FUNDC2: variants seen among roughly 807,000 people sequenced by gnomAD.
The protein encoded by FUNDC2 is FUN14 domain containing 2.
A neutral mutation model predicts 15.6 loss-of-function variants in FUNDC2; 4 were observed. The ratio of observed to expected loss-of-function variants is 0.26; its 90% CI spans 0.13 to 0.59. The LOEUF is 0.59. Ranked by LOEUF, FUNDC2 falls within the 20% of genes least tolerant of loss-of-function variation. FUNDC2 has a pLI of 0.90. For missense variants in FUNDC2, 98 were observed against 149.7 expected (o/e 0.65, Z 1.80); for synonymous variants, 44 against 56.9 (o/e 0.77, Z 1.02).
chrX:155,027,570 A>ATGC (rs1372791414), intron 1 of FUNDC2, among the ~76,000 whole-genome samples: 1 of 112,011 alleles, frequency 8.9e-6, no homozygotes, highest in Non-Finnish European at 1.9e-5. Flanking sequence ...TCTTTAAGTT[A>ATGC]TGCGTCTTAC....
chrX:155,049,804 TTTTA>T (rs2073874632), intron 3 of FUNDC2: 3 of 112,429 alleles, frequency 2.7e-5, no homozygotes, highest in Non-Finnish European at 5.6e-5. Flanking sequence ...ATCCTGTATG[TTTTA>T]TTTGATTTGT....
intron 2 of FUNDC2, among the ~76,000 whole-genome samples, chrX:155,038,679 T>C (rs1271518349): frequency 2.7e-5 from 3 of 112,628 alleles, no homozygotes; most frequent in Admixed American, 9.4e-5. Context: ...GTCACAAATA[T>C]CAAGATTTCC....
At chrX:155,039,986 ATCTT>A (rs1306968852) in intron 2 of FUNDC2, among the ~76,000 whole-genome samples, 2 of 111,850 alleles carry the variant, frequency 1.8e-5, no homozygotes, top group East Asian at 5.6e-4. Context: ...AACATGGAAT[ATCTT>A]TCTGTTTATT....
At chrX:155,042,872 C>A (rs966755180) in intron 2 of FUNDC2, among the ~76,000 whole-genome samples, 1 of 111,419 alleles carries the variant, frequency 9.0e-6, no homozygotes, top group Non-Finnish European at 1.9e-5. Context: ...GTTTATTAAT[C>A]TTCTACAGTG....
chrX:155,039,898 T>C (rs1204733973), intron 2 of FUNDC2, among the ~76,000 whole-genome samples: 2 of 112,051 alleles, frequency 1.8e-5, no homozygotes, highest in African/African-American at 3.2e-5. Flanking sequence ...ATTGGAATTT[T>C]GATGTGGATT....
intron 3 of FUNDC2, chrX:155,050,243 A>T (rs2073875754): frequency 8.9e-6 from 1 of 111,849 alleles, no homozygotes; most frequent in Non-Finnish European, 1.9e-5. Context: ...AAGTTGAGGA[A>T]GTTCCCCTCT....
chrX:155,029,001 C>T (rs905612007), intron 1 of FUNDC2, among the ~76,000 whole-genome samples: 4 of 111,857 alleles, frequency 3.6e-5, no homozygotes, highest in South Asian at 3.7e-4. Context: ...TTCCTAGTGA[C>T]TTTGACACTC....
chrX:155,028,087 T>TAGACTTTTATAAGAGCAGACTGCTCTTAC (rs2073801370), intron 1 of FUNDC2, among the ~76,000 whole-genome samples: 1 of 112,459 alleles, frequency 8.9e-6, no homozygotes, highest in Non-Finnish European at 1.9e-5. Flanking sequence ...ACTGCTCTTA[T>TAGACTTTTATAAGAGCAGACTGCTCTTAC]AGACTTTTAT....
chrX:155,030,071 A>G (rs1284676113), intron 1 of FUNDC2, among the ~76,000 whole-genome samples: 2 of 111,449 alleles, frequency 1.8e-5, no homozygotes, highest in Non-Finnish European at 3.8e-5. Flanking sequence ...ACTTTTTAAT[A>G]TTGGTCTTAT....
intron 2 of FUNDC2, among the ~76,000 whole-genome samples, chrX:155,034,661 G>A (rs1238397384): frequency 8.9e-6 from 1 of 111,942 alleles, no homozygotes. Flanking sequence ...CTACATGGTG[G>A]CACTTGATTT....
Position 155,054,438 on chromosome X carries a change from T to C in FUNDC2, c.493-157T>C, listed in dbSNP as rs191614113. 12 of 747,580 alleles carry C rather than the reference T, an allele frequency of 1.6e-5. No individual in the cohort carries two copies. The East Asian group carries it at 1.1e-3, about 66-fold the overall frequency. The allele number at this position is 747,580 out of a possible 1,213,427, so 61.6% of individuals were successfully genotyped here. On this transcript the variant is annotated intron_variant, in intron 4 of 4. Coordinates refer to ENST00000369498, the MANE Select transcript of FUNDC2 (RefSeq NM_023934.4). ...TCTATTTAATTATTATTAAATAGACTATTAGTGTAAGTCCATTGCCCTTTG... is the reference window on the plus strand; with the variant it reads ...TCTATTTAATTATTATTAAATAGACCATTAGTGTAAGTCCATTGCCCTTTG...
In FUNDC2 at chrX:155,055,808, T is replaced by C. The variant is rs1557290822; in HGVS notation, c.*1136T>C. 1 of 112,659 alleles carries C rather than the reference T, an allele frequency of 8.9e-6. No individual in the cohort carries two copies. Among genetic ancestry groups the C allele is most frequent in the East Asian group, 2.8e-4 (1 of 3,626 alleles). The allele number at this position is 112,659 out of a possible 1,213,427, so 9.3% of individuals were successfully genotyped here. A position where few individuals can be genotyped will look rare whatever the true frequency, so the allele number is the denominator to read the frequency against. ...TAATAGGTGCTGAGTATTTGAATAA[T>C]GACTTTATAGAAAGAAAACTCACTA... On this transcript the variant is annotated 3_prime_UTR_variant, in exon 5 of 5. Coordinates refer to ENST00000369498, the MANE Select transcript of FUNDC2 (RefSeq NM_023934.4).
intron 3 of FUNDC2, chrX:155,049,450 A>G (rs781989820): frequency 8.9e-6 from 1 of 112,941 alleles, no homozygotes; most frequent in Non-Finnish European, 1.9e-5. Context: ...CTGTGTGTCT[A>G]TCTCTTCTTC....
At chrX:155,043,387 CT>C (rs1387438765) in intron 2 of FUNDC2, among the ~76,000 whole-genome samples, 3 of 111,851 alleles carry the variant, frequency 2.7e-5, no homozygotes, top group African/African-American at 9.8e-5. Flanking sequence ...TTCTGGGTTT[CT>C]TTTAGTTTAT....
rs1327267038 is a variant in FUNDC2 at position 155,058,826 on chromosome X, T to G, written c.*4154T>G. 1 of 111,625 alleles carries G rather than the reference T, an allele frequency of 9.0e-6. No homozygotes were observed. The highest frequency in any genetic ancestry group is 1.9e-5 in the Non-Finnish European group (1 of 53,125). The allele number at this position is 111,625 out of a possible 1,213,427, so 9.2% of individuals were successfully genotyped here. On this transcript the variant is annotated 3_prime_UTR_variant, in exon 5 of 5. Coordinates refer to ENST00000369498, the MANE Select transcript of FUNDC2 (RefSeq NM_023934.4). ...AGGGGTCATGAATCTTAATACTTTT[T>G]TTTTTAAAAGAAAAGTGTCGCACTT...
Position 155,051,685 on chromosome X carries a change from G to A in FUNDC2, c.376G>A (p.Gly126Arg). ...GATACTGTAGCTTGCAAACCATACTGGGTACATCAAAGTTGACTGGCAACG... is the reference window on the plus strand; with the variant it reads ...GATACTGTAGCTTGCAAACCATACTAGGTACATCAAAGTTGACTGGCAACG... The part of the protein sequence containing the change: ...FFLLQLANHT[G>R]YIKVDWQRVE... The change falls in exon 4 of 5, where the codon GGG (glycine) becomes AGG (arginine). Residue 126 changes from glycine to arginine, a missense_variant. Coordinates refer to ENST00000369498, the MANE Select transcript of FUNDC2 (RefSeq NM_023934.4). 1 of 1,210,445 alleles carries A rather than the reference G, an allele frequency of 8.3e-7. No homozygotes were observed. The highest frequency in any genetic ancestry group is 1.1e-6 in the Non-Finnish European group (1 of 894,270).
rs2073900307 is a variant in FUNDC2 at position 155,056,727 on chromosome X, AAAG to A, written c.*2056_*2058del. ...CCCACAGCAATGGGATGGTAACAGC[AAAG>A]CTAACCAAAGTGCTCTGTGCCCCTT... On this transcript the variant is annotated 3_prime_UTR_variant, in exon 5 of 5. Coordinates refer to ENST00000369498, the MANE Select transcript of FUNDC2 (RefSeq NM_023934.4). The A allele has an allele frequency of 9.0e-6, 1 of 110,880 alleles. No homozygotes were observed. Among genetic ancestry groups the A allele is most frequent in the African/African-American group, 3.3e-5 (1 of 30,516 alleles). The allele number at this position is 110,880 out of a possible 1,213,427, so 9.1% of individuals were successfully genotyped here. A position where few individuals can be genotyped will look rare whatever the true frequency, so the allele number is the denominator to read the frequency against.
intron 2 of FUNDC2, among the ~76,000 whole-genome samples, chrX:155,037,951 G>A (rs1309341304): frequency 1.8e-5 from 2 of 110,502 alleles, no homozygotes; most frequent in East Asian, 5.7e-4. Context: ...TGTAGGCTGG[G>A]TGCAGTGGCT....
chrX:155,042,406 C>T (rs782361133), intron 2 of FUNDC2, among the ~76,000 whole-genome samples: 6 of 108,825 alleles, frequency 5.5e-5, no homozygotes, highest in South Asian at 8.0e-4. Context: ...AGGCTGGTCT[C>T]GAACTCCTGA....
Sources: allele counts gnomAD v4.1 joint callset (sites outside exome capture counted in the v4.1 genomes callset), GRCh38; gene constraint gnomAD v4.1.1; transcripts MANE v1.5; gene names NCBI Gene and HGNC (gene_info 2026-07-23, HGNC 2026-07-21).